Variants in PSTPIP2 observed in about 807,000 individuals in gnomAD.
PSTPIP2 encodes proline-serine-threonine phosphatase interacting protein 2.
A neutral mutation model predicts 63.3 loss-of-function variants in PSTPIP2; 33 were observed. The ratio of observed to expected loss-of-function variants is 0.52; its 90% CI spans 0.40 to 0.70. The LOEUF (loss-of-function observed/expected upper bound fraction) is 0.70, where lower values mean the gene tolerates loss of function less well. Among genes scored for constraint, PSTPIP2 ranks in the 30% least tolerant of loss-of-function variants. PSTPIP2 has a pLI of 0.00. For synonymous variants in PSTPIP2, 125 were observed against 132.7 expected (o/e 0.94, Z 0.40); for missense variants, 312 against 400.7 (o/e 0.78, Z 1.89).
intron 3 of PSTPIP2, among the ~76,000 whole-genome samples, chr18:46,023,163 G>T (rs778294445): frequency 3.7e-4 from 56 of 152,078 alleles, no homozygotes; most frequent in Non-Finnish European, 6.8e-4. Flanking sequence ...TAACTAATGG[G>T]TACCAGGCTT....
At chr18:45,988,288 A>C (rs1234667366) in intron 14 of PSTPIP2, among the ~76,000 whole-genome samples, 1 of 123,972 alleles carries the variant, frequency 8.1e-6, no homozygotes, top group Non-Finnish European at 1.6e-5. Context: ...AAAAAATATT[A>C]GCTGGGTGTG....
intron 1 of PSTPIP2, among the ~76,000 whole-genome samples, chr18:46,044,589 T>C (rs1384458205): frequency 6.6e-6 from 1 of 152,166 alleles, no homozygotes. Flanking sequence ...ATTCAGGACA[T>C]AGGCATGGGC....
At chr18:46,028,930 C>T in intron 2 of PSTPIP2, 1 of 1,419,192 alleles carries the variant, frequency 7.0e-7, no homozygotes. Context: ...GAAGAACTGC[C>T]AGCATGGTAA....
chr18:46,045,102 G>A (rs1177237478), intron 1 of PSTPIP2, among the ~76,000 whole-genome samples: 3 of 152,194 alleles, frequency 2.0e-5, no homozygotes, highest in South Asian at 4.1e-4. Context: ...TCAGTGTGGC[G>A]ATTCCTCAGG....
rs8098252 is a variant in PSTPIP2 at position 46,041,775 on chromosome 18, A to C, written c.34-1728T>G. 5.3e-3 allele frequency among the ~76,000 whole-genome samples: 801 copies of C among 152,226 alleles called. 8 individuals are homozygous for C. Among genetic ancestry groups the C allele is most frequent in the African/African-American group, 0.018 (764 of 41,530 alleles). On this transcript the variant is annotated intron_variant, in intron 1 of 14. Transcript: ENST00000409746. ...GCATACAATGGGTTGTCTGATTCAGACTATAGTCCCTAAGAGGTTGGTTAG... is the reference window on the plus strand; with the variant it reads ...GCATACAATGGGTTGTCTGATTCAGCCTATAGTCCCTAAGAGGTTGGTTAG...
rs2051700376 is a variant in PSTPIP2 at position 46,004,170 on chromosome 18, T to C, written c.417+1299A>G. Among the ~76,000 whole-genome samples the C allele has an allele frequency of 2.6e-5, 4 of 152,364 alleles. No individual in the cohort carries two copies. The South Asian group carries it at 8.3e-4, about 32-fold the overall frequency. ...GGAAAAATCATCTATCAACTAACAC[T>C]ATTTCTGTATTACACTGACATCATT... On this transcript the variant is annotated intron_variant, in intron 6 of 14. Transcript: ENST00000409746.
intron 4 of PSTPIP2, among the ~76,000 whole-genome samples, chr18:46,012,250 G>C (rs2051804563): frequency 6.6e-6 from 1 of 152,028 alleles, no homozygotes; most frequent in Non-Finnish European, 1.5e-5. Context: ...GCAAGCATGG[G>C]ACAAAACAGC....
intron 3 of PSTPIP2, 27 bp downstream of exon 3, chr18:46,024,582 G>A (rs1907508934): frequency 6.3e-7 from 1 of 1,595,002 alleles, no homozygotes; most frequent in Non-Finnish European, 8.6e-7. Flanking sequence ...AACCAACCTG[G>A]AAACCAGAAA....
At chr18:46,036,755 G>A (rs1907994702) in intron 2 of PSTPIP2, among the ~76,000 whole-genome samples, 1 of 152,196 alleles carries the variant, frequency 6.6e-6, no homozygotes, top group Non-Finnish European at 1.5e-5. Context: ...GAGGGGTGCA[G>A]TGCTGGGTTC....
intron 6 of PSTPIP2, among the ~76,000 whole-genome samples, chr18:46,003,744 C>T (rs1052337827): frequency 4.1e-5 from 6 of 147,438 alleles, no homozygotes; most frequent in African/African-American, 1.6e-4. Context: ...TCTTCTCTCC[C>T]CCTTTCAGAG....
chr18:45,993,004 G>T (rs747603675), intron 10 of PSTPIP2, among the ~76,000 whole-genome samples: 4 of 152,176 alleles, frequency 2.6e-5, no homozygotes, highest in Admixed American at 6.5e-5. Context: ...GGGATTACAG[G>T]TGTAAGCCAC....
chr18:46,028,806 T>G lies in PSTPIP2; in HGVS notation c.135-4120A>C. ...GAGTACCTGCCTGGGCAGAGACTAA[T>G]AAGCTGAAAACAACTTCAGATGATG... On this transcript the variant is annotated intron_variant, in intron 2 of 14. Coordinates refer to ENST00000409746, the MANE Select transcript of PSTPIP2 (RefSeq NM_024430.4). 4.2e-6 allele frequency: 6 copies of G among 1,440,244 alleles called. No homozygotes were observed. In the South Asian group the frequency reaches 6.8e-5, roughly 16 times the overall value. 89.2% of individuals were successfully genotyped at this position (1,440,244 alleles called of 1,614,324 possible). A position where few individuals can be genotyped will look rare whatever the true frequency, so the allele number is the denominator to read the frequency against.
chr18:46,023,752 G>A (rs975634642), intron 3 of PSTPIP2, among the ~76,000 whole-genome samples: 2 of 151,740 alleles, frequency 1.3e-5, no homozygotes, highest in South Asian at 2.1e-4. Flanking sequence ...TTGCAGAGAC[G>A]CCCAGAAGTC....
chr18:46,058,513 C>A (rs1165574251), intron 1 of PSTPIP2, among the ~76,000 whole-genome samples: 4 of 151,940 alleles, frequency 2.6e-5, no homozygotes, highest in Non-Finnish European at 5.9e-5. Flanking sequence ...TGCGCCACCA[C>A]ACCCAGCTAT....
intron 1 of PSTPIP2, among the ~76,000 whole-genome samples, chr18:46,051,699 T>C (rs1908588060): frequency 6.6e-6 from 1 of 152,068 alleles, no homozygotes; most frequent in East Asian, 1.9e-4. Context: ...CCCAGGGACA[T>C]GAGAAATTCA....
intron 2 of PSTPIP2, among the ~76,000 whole-genome samples, chr18:46,035,928 A>T (rs973852862): frequency 2.0e-5 from 3 of 152,090 alleles, no homozygotes; most frequent in Non-Finnish European, 4.4e-5. Context: ...TGTTGTTGTT[A>T]TATTATGTAG....
chr18:46,033,912 A>G (rs1412668376), intron 2 of PSTPIP2, among the ~76,000 whole-genome samples: 1 of 152,168 alleles, frequency 6.6e-6, no homozygotes, highest in Non-Finnish European at 1.5e-5. Context: ...CTTCTGGCCT[A>G]TGGACTTGTG....
At chr18:46,021,558 A>G (rs1399416790) in intron 3 of PSTPIP2, among the ~76,000 whole-genome samples, 1 of 151,882 alleles carries the variant, frequency 6.6e-6, no homozygotes, top group Non-Finnish European at 1.5e-5. Context: ...TTAAATTAGA[A>G]TTGTAAATAT....
chr18:46,042,338 A>T (rs1908223059), intron 1 of PSTPIP2, among the ~76,000 whole-genome samples: 1 of 152,174 alleles, frequency 6.6e-6, no homozygotes, highest in African/African-American at 2.4e-5. Flanking sequence ...CAGCTCTAAG[A>T]TGATGCTAAC....
Sources: allele counts gnomAD v4.1 joint callset (sites outside exome capture counted in the v4.1 genomes callset), GRCh38; gene constraint gnomAD v4.1.1; transcripts MANE v1.5; gene names NCBI Gene and HGNC (gene_info 2026-07-23, HGNC 2026-07-21).